ERBB4: variants seen among roughly 807,000 people sequenced by gnomAD.
The protein encoded by ERBB4 is erb-b2 receptor tyrosine kinase 4.
A neutral mutation model predicts 158.0 loss-of-function variants in ERBB4; 42 were observed. The ratio of observed to expected loss-of-function variants is 0.27; its 90% confidence interval spans 0.21 to 0.34. ERBB4 has a LOEUF of 0.34. Among genes scored for constraint, ERBB4 ranks in the 10% least tolerant of loss-of-function variants. The pLI, the probability that ERBB4 is intolerant of heterozygous loss-of-function variation, is 1.00. For missense variants in ERBB4, 1,333 were observed against 1,624.1 expected, an observed-to-expected ratio of 0.82 and a Z score of 3.08; for synonymous variants, 583 against 558.7, an observed-to-expected ratio of 1.04 and a Z score of -0.61.
chr2:211,603,811 C>A (rs967901858), intron 19 of ERBB4, among the ~76,000 whole-genome samples: 1 of 152,200 alleles, frequency 6.6e-6, no homozygotes, highest in Non-Finnish European at 1.5e-5. Flanking sequence ...AGGTACTTCA[C>A]ACAAGCTGGG....
chr2:211,386,714 C>T, intron 27 of ERBB4, 139 bp downstream of exon 27: 1 of 740,248 alleles, frequency 1.4e-6, no homozygotes. Context: ...GACCATACTA[C>T]AAGTAGCAGT....
intron 12 of ERBB4, among the ~76,000 whole-genome samples, chr2:211,691,801 G>C (rs2072831951): frequency 6.6e-6 from 1 of 152,156 alleles, no homozygotes; most frequent in South Asian, 2.1e-4. Context: ...AAGGAATAAG[G>C]TTAGTGCTCT....
At chr2:211,875,648 G>A (rs2078479371) in intron 3 of ERBB4, among the ~76,000 whole-genome samples, 1 of 152,108 alleles carries the variant, frequency 6.6e-6, no homozygotes, top group East Asian at 1.9e-4. Context: ...TGTAGCCTAA[G>A]TGCAGTGTTT....
intron 16 of ERBB4, among the ~76,000 whole-genome samples, chr2:211,651,543 T>C (rs2070982584): frequency 6.6e-6 from 1 of 152,186 alleles, no homozygotes; most frequent in African/African-American, 2.4e-5. Flanking sequence ...GGTCCCAAAT[T>C]TCTTGACCTG....
Position 211,383,651 on chromosome 2 carries a change from C to A in ERBB4, c.3891G>T (p.Pro1297=), listed in dbSNP as rs758510094. Residue 1297 remains proline, a synonymous_variant, in exon 28 of 28, where the codon CCG becomes CCT. Transcript: ENST00000342788. Reference sequence around the variant, plus strand: ...TATTCCGGTGTCTGTAAGGTGGAGGCGGCAGCACAGTGCCTGGCTTCAGGG... The same window carrying A: ...TATTCCGGTGTCTGTAAGGTGGAGGAGGCAGCACAGTGCCTGGCTTCAGGG... ...EFSLKPGTVL[P]PPPYRHRNTV... 2 of 1,613,636 alleles carry A rather than the reference C, an allele frequency of 1.2e-6. No individual in the cohort carries two copies. The highest frequency in any genetic ancestry group is 1.7e-5 in the Admixed American group (1 of 60,012).
At chr2:212,352,702 T>C (rs185667468) in intron 1 of ERBB4, among the ~76,000 whole-genome samples, 2 of 151,990 alleles carry the variant, frequency 1.3e-5, no homozygotes, top group Non-Finnish European at 2.9e-5. Flanking sequence ...ACCCCATCTC[T>C]ACTAAAAATA....
chr2:212,376,336 G>A (rs1433520356), intron 1 of ERBB4, among the ~76,000 whole-genome samples: 1 of 152,088 alleles, frequency 6.6e-6, no homozygotes, highest in African/African-American at 2.4e-5. Flanking sequence ...AAGTGGACCA[G>A]TCAAGAGCAA....
chr2:212,095,643 T>C (rs999458065), intron 2 of ERBB4, among the ~76,000 whole-genome samples: 2 of 151,810 alleles, frequency 1.3e-5, no homozygotes, highest in Non-Finnish European at 2.9e-5. Flanking sequence ...TCTTAGACAG[T>C]AAATTTTGGC....
In ERBB4 at chr2:211,592,874, G is replaced by A. The variant is rs887598801; in HGVS notation, c.2301+26303C>T. Among the ~76,000 whole-genome samples, 4 of 152,076 alleles carry A rather than the reference G, an allele frequency of 2.6e-5. No individual in the cohort carries two copies. The East Asian group carries it at 7.7e-4, about 29-fold the overall frequency. On this transcript the variant is annotated intron_variant, in intron 19 of 27. Transcript: ENST00000342788. ...AAAATACAAAAAATTAGCTGGGCGT[G>A]GTGGTGGGCACCTGTAATCCCAGCT...
chr2:212,488,794 T>C (rs1358144997), intron 1 of ERBB4, among the ~76,000 whole-genome samples: 1 of 151,398 alleles, frequency 6.6e-6, no homozygotes, highest in Non-Finnish European at 1.5e-5. Context: ...TGAACAGCTG[T>C]TCACTACCTT....
At chr2:212,291,710 T>A (rs924871822) in intron 1 of ERBB4, among the ~76,000 whole-genome samples, 6 of 152,058 alleles carry the variant, frequency 3.9e-5, no homozygotes, top group African/African-American at 1.4e-4. Flanking sequence ...TTTTTCTGAG[T>A]TACAAAGTCT....
intron 2 of ERBB4, among the ~76,000 whole-genome samples, chr2:212,099,601 C>T (rs531751121): frequency 4.6e-5 from 7 of 152,116 alleles, no homozygotes; most frequent in African/African-American, 4.8e-5. Context: ...TGACTTCTCC[C>T]GGGGCATACA....
intron 1 of ERBB4, among the ~76,000 whole-genome samples, chr2:212,446,993 TTC>T (rs1327821448): frequency 1.4e-5 from 2 of 145,958 alleles, no homozygotes; most frequent in Non-Finnish European, 1.5e-5. Context: ...TACCAAATTT[TTC>T]TTTTTTTTTT....
At chr2:211,454,016 A>C (rs2064317501) in intron 20 of ERBB4, among the ~76,000 whole-genome samples, 1 of 152,212 alleles carries the variant, frequency 6.6e-6, no homozygotes, top group African/African-American at 2.4e-5. Context: ...TGAGAGTACA[A>C]AGGTATCCAA....
At chr2:211,929,746 G>T (rs986290681) in intron 3 of ERBB4, among the ~76,000 whole-genome samples, 1 of 152,168 alleles carries the variant, frequency 6.6e-6, no homozygotes, top group Non-Finnish European at 1.5e-5. Context: ...GGATGTGTCA[G>T]TGACACACAA....
chr2:211,977,854 G>A (rs1240496173), intron 2 of ERBB4, among the ~76,000 whole-genome samples: 3 of 66,572 alleles, frequency 4.5e-5, no homozygotes, highest in African/African-American at 1.1e-4. Flanking sequence ...GCGAAACTCC[G>A]TCTCAAAAAA....
intron 4 of ERBB4, among the ~76,000 whole-genome samples, chr2:211,758,800 A>G (rs528211166): frequency 1.3e-4 from 20 of 152,320 alleles, no homozygotes; most frequent in Non-Finnish European, 1.6e-4. Context: ...GTTCAGCTAT[A>G]TGTAGTGGTG....
At chr2:211,650,138 GTACT>G (rs976749980) in intron 16 of ERBB4, among the ~76,000 whole-genome samples, 5 of 151,918 alleles carry the variant, frequency 3.3e-5, no homozygotes, top group African/African-American at 1.2e-4. Context: ...ATGAAAAAAG[GTACT>G]TACTTAGGAT....
At chr2:211,837,566 A>T (rs1348325269) in intron 3 of ERBB4, among the ~76,000 whole-genome samples, 1 of 152,084 alleles carries the variant, frequency 6.6e-6, no homozygotes, top group Non-Finnish European at 1.5e-5. Flanking sequence ...AGGGTTTAAA[A>T]TCATAGACTC....
Sources: gnomAD v4.1 joint callset for allele counts (sites outside exome capture counted in the v4.1 genomes callset) on GRCh38, gnomAD v4.1.1 for gene constraint, MANE v1.5 for transcripts, NCBI Gene and HGNC (gene_info 2026-07-23, HGNC 2026-07-21) for gene names.